The following PTPRO variants were observed in gnomAD, a reference collection of about 807,000 sequenced individuals.
PTPRO encodes protein tyrosine phosphatase receptor type O.
A neutral mutation model predicts 145.2 loss-of-function variants in PTPRO; 62 were observed. That is an observed-to-expected ratio of 0.43 (90% CI 0.35 to 0.53). The LOEUF (loss-of-function observed/expected upper bound fraction) is 0.53. PTPRO is among the 20% of genes least tolerant of loss of function. PTPRO has a pLI of 0.01. For synonymous variants in PTPRO, 565 were observed against 514.7 expected, an observed-to-expected ratio of 1.10 and a Z score of -1.32; for missense variants, 1,345 against 1,482.7, an observed-to-expected ratio of 0.91 and a Z score of 1.53.
intron 1 of PTPRO, among the ~76,000 whole-genome samples, chr12:15,373,204 T>C (rs766968501): frequency 1.3e-5 from 2 of 152,186 alleles, no homozygotes; most frequent in Non-Finnish European, 2.9e-5. Context: ...AACATAAATA[T>C]GAGATCACCA....
At position 15,515,488 on chromosome 12, in the gene PTPRO, T is replaced by C. The variant is rs762227927; in HGVS notation, c.1465-10T>C. 6.2e-7 allele frequency: 1 copy of C among 1,613,806 alleles called. No homozygotes were observed. Among genetic ancestry groups the C allele is most frequent in the South Asian group, 1.1e-5 (1 of 91,076 alleles). ...CTCTAAATAAATCTTATTGGGTGTT[T>C]GGTTTAAAGGTGAACTCAAGCAAAC... is the stretch of plus-strand genomic sequence containing the variant. On this transcript the variant is annotated splice_polypyrimidine_tract_variant and intron_variant, in intron 7 of 26. Coordinates refer to ENST00000281171, the MANE Select transcript of PTPRO (RefSeq NM_030667.3).
At position 15,428,249 on chromosome 12, in the gene PTPRO, C is replaced by T. The variant is rs139024027; in HGVS notation, c.76-55725C>T. On this transcript the variant is annotated intron_variant, in intron 1 of 26. Transcript: ENST00000281171. ...TTCAGAACTTCATTCAGAGCCATTA[C>T]GACAAATAATTTGGTTGCAAGGGTG... Among the ~76,000 whole-genome samples, 242 of 152,168 alleles carry T rather than the reference C, an allele frequency of 1.6e-3. 1 individual carries two copies. Among genetic ancestry groups the T allele is most frequent in the Middle Eastern group, 0.01 (3 of 294 alleles).
intron 1 of PTPRO, among the ~76,000 whole-genome samples, chr12:15,429,450 A>T (rs1418777014): frequency 6.6e-6 from 1 of 152,186 alleles, no homozygotes; most frequent in African/African-American, 2.4e-5. Flanking sequence ...ACATGTGTTC[A>T]AATCCACAGG....
chr12:15,595,226 C>G, intron 26 of PTPRO, 169 bp downstream of exon 26: 1 of 619,036 alleles, frequency 1.6e-6, no homozygotes, highest in East Asian at 2.9e-5. Context: ...GAAACAAGTA[C>G]TGTAGCAGAT....
intron 7 of PTPRO, among the ~76,000 whole-genome samples, chr12:15,511,892 C>A (rs1054953160): frequency 6.6e-6 from 1 of 151,854 alleles, no homozygotes; most frequent in Non-Finnish European, 1.5e-5. Flanking sequence ...AGCTATGATT[C>A]CAGGTAGTCA....
intron 17 of PTPRO, among the ~76,000 whole-genome samples, chr12:15,560,695 A>G (rs1199977926): frequency 6.6e-6 from 1 of 152,088 alleles, no homozygotes; most frequent in Non-Finnish European, 1.5e-5. Context: ...TTGTTTTTAT[A>G]ATAATGCTAA....
rs182580966 is a variant in PTPRO at position 15,381,691 on chromosome 12, C to G, written c.75+58890C>G. ...TGAGTGTTTTCTCCCTTTCGCAGCT[C>G]CCATGGAAAATTTGCTAACATATGT... On this transcript the variant is annotated intron_variant, in intron 1 of 26. Transcript: ENST00000281171. Among the ~76,000 whole-genome samples, 8 of 152,190 alleles carry G rather than the reference C, an allele frequency of 5.3e-5. No homozygotes were observed. The East Asian group carries it at 1.5e-3, about 29-fold the overall frequency.
chr12:15,461,915 G>C (rs1157324994), intron 1 of PTPRO, among the ~76,000 whole-genome samples: 1 of 151,996 alleles, frequency 6.6e-6, no homozygotes, highest in Non-Finnish European at 1.5e-5. Flanking sequence ...TTGGTTTCCT[G>C]CTTCCTCAGT....
chr12:15,385,092 T>C (rs1358055203), intron 1 of PTPRO, among the ~76,000 whole-genome samples: 4 of 152,242 alleles, frequency 2.6e-5, no homozygotes, highest in African/African-American at 7.2e-5. Flanking sequence ...AATTTATGGC[T>C]GATTTCCATA....
At chr12:15,510,152 T>A (rs1475027752) in intron 7 of PTPRO, among the ~76,000 whole-genome samples, 1 of 152,202 alleles carries the variant, frequency 6.6e-6, no homozygotes, top group Non-Finnish European at 1.5e-5. Flanking sequence ...CCCAGGAAAA[T>A]TAAGCATTTA....
chr12:15,383,459 A>G (rs1424979178), intron 1 of PTPRO, among the ~76,000 whole-genome samples: 1 of 152,160 alleles, frequency 6.6e-6, no homozygotes, highest in African/African-American at 2.4e-5. Flanking sequence ...TTTTTTATCA[A>G]CATAAATGAC....
chr12:15,418,145 C>G (rs1940033958), intron 1 of PTPRO, among the ~76,000 whole-genome samples: 1 of 151,786 alleles, frequency 6.6e-6, no homozygotes, highest in South Asian at 2.1e-4. Flanking sequence ...GATTTCTACT[C>G]AAGCATAGCT....
At chr12:15,560,767 T>A (rs1408954541) in intron 17 of PTPRO, among the ~76,000 whole-genome samples, 3 of 152,050 alleles carry the variant, frequency 2.0e-5, no homozygotes, top group Non-Finnish European at 4.4e-5. Context: ...CTGATTTAAT[T>A]TTCCCCCGCA....
intron 1 of PTPRO, among the ~76,000 whole-genome samples, chr12:15,435,924 T>C (rs909707970): frequency 6.6e-6 from 1 of 152,224 alleles, no homozygotes; most frequent in Non-Finnish European, 1.5e-5. Flanking sequence ...GCTATACTTT[T>C]TAAACTATCT....
At chr12:15,390,873 C>G (rs2136286396) in intron 1 of PTPRO, among the ~76,000 whole-genome samples, 1 of 152,266 alleles carries the variant, frequency 6.6e-6, no homozygotes, top group Admixed American at 6.5e-5. Flanking sequence ...ATTTATTTCT[C>G]ACAAGCATGA....
intron 1 of PTPRO, among the ~76,000 whole-genome samples, chr12:15,386,879 G>A (rs1939045091): frequency 1.3e-5 from 2 of 152,148 alleles, no homozygotes; most frequent in South Asian, 2.1e-4. Context: ...CAAGTTTCTA[G>A]ACCCAAGGCT....
chr12:15,375,129 G>A (rs1445113853), intron 1 of PTPRO, among the ~76,000 whole-genome samples: 1 of 152,160 alleles, frequency 6.6e-6, no homozygotes, highest in Non-Finnish European at 1.5e-5. Context: ...AGTAAGTACA[G>A]ACTTTACAGA....
At chr12:15,504,815 T>C (rs955243741) in intron 6 of PTPRO, among the ~76,000 whole-genome samples, 1 of 152,222 alleles carries the variant, frequency 6.6e-6, no homozygotes, top group African/African-American at 2.4e-5. Flanking sequence ...ACATATCCTA[T>C]TGCCATCTGG....
chr12:15,581,558 C>T (rs1468602897), intron 22 of PTPRO, 121 bp from the exon 23 acceptor site: 1 of 1,212,512 alleles, frequency 8.2e-7, no homozygotes, highest in Non-Finnish European at 1.2e-6. Context: ...CTTTATGTTT[C>T]ATCTTCACCA....
Sources: gnomAD v4.1 joint callset for allele counts (sites outside exome capture counted in the v4.1 genomes callset) on GRCh38, gnomAD v4.1.1 for gene constraint, MANE v1.5 for transcripts, NCBI Gene and HGNC (gene_info 2026-07-23, HGNC 2026-07-21) for gene names.